Variants in MIAT observed in about 807,000 individuals in gnomAD.
MIAT encodes the protein myocardial infarction associated transcript.
At chr22:26,670,598 T>G (rs1224608109), downstream of MIAT, 5 of 332,404 alleles carry the variant, frequency 1.5e-5, no homozygotes, top group Non-Finnish European at 2.5e-5. Context: ...ATGTCATTGC[T>G]CCTTAAAAAA....
At chr22:26,671,120 C>T (rs947817186), downstream of MIAT, 1 of 398,510 alleles carries the variant, frequency 2.5e-6, no homozygotes, top group Admixed American at 4.4e-5. Context: ...CAGGATCCAG[C>T]CCTCTGGGAA....
intron 2 of MIAT, chr22:26,650,445 C>T (rs1354807421): frequency 6.6e-6 from 1 of 152,246 alleles, no homozygotes; most frequent in African/African-American, 2.4e-5. Flanking sequence ...TCTCCTCTTC[C>T]CTGTCTCCCT....
At chr22:26,659,493 A>G (rs1234812412) in intron 2 of MIAT, among the ~76,000 whole-genome samples, 1 of 152,032 alleles carries the variant, frequency 6.6e-6, no homozygotes, top group East Asian at 1.9e-4. Flanking sequence ...AAACAACCAT[A>G]ACCCCTTACC....
intron 2 of MIAT, chr22:26,657,097 G>T (rs980703803): frequency 1.2e-5 from 2 of 170,316 alleles, no homozygotes; most frequent in African/African-American, 4.7e-5. Context: ...GCCAGAACAA[G>T]CGTCTTCTGT....
At chr22:26,670,110 G>C (rs1172801876), downstream of MIAT, 2 of 392,336 alleles carry the variant, frequency 5.1e-6, no homozygotes, top group Admixed American at 9.2e-5. Flanking sequence ...TTCTGAACCA[G>C]AGGCATTTCT....
intron 1 of MIAT, chr22:26,647,098 G>A (rs945152125): frequency 3.0e-5 from 12 of 398,082 alleles, no homozygotes; most frequent in African/African-American, 1.2e-4. Flanking sequence ...GGATGACACC[G>A]TCAGCATGGC....
chr22:26,667,251 T>C (rs2146014600), exon 5 of MIAT: 1 of 398,648 alleles, frequency 2.5e-6, no homozygotes, highest in Non-Finnish European at 4.4e-6. Flanking sequence ...CCCAGAGACA[T>C]GATCCCATCT....
At chr22:26,661,887 A>AATCCATATATATATTGATCTATATAG (rs1930673983) in intron 2 of MIAT, among the ~76,000 whole-genome samples, 1 of 118,170 alleles carries the variant, frequency 8.5e-6, no homozygotes, top group African/African-American at 2.8e-5. Flanking sequence ...TTTATCATTT[A>AATCCATATATATATTGATCTATATAG]ATCCATATAT....
chr22:26,659,210 A>T (rs1930567985), intron 2 of MIAT, among the ~76,000 whole-genome samples: 2 of 152,100 alleles, frequency 1.3e-5, no homozygotes, highest in Admixed American at 1.3e-4. Context: ...TCGCCCCTCA[A>T]CTTTCTAGGC....
At chr22:26,667,618 C>A in intron 5 of MIAT, 1 of 227,614 alleles carries the variant, frequency 4.4e-6, no homozygotes, top group South Asian at 2.8e-4. Flanking sequence ...CTCTGGTCCC[C>A]TGAGCTAACC....
At chr22:26,667,403 T>C in intron 5 of MIAT, 1 of 371,022 alleles carries the variant, frequency 2.7e-6, no homozygotes, top group African/African-American at 2.2e-5. Context: ...TGCGTGCATG[T>C]GTGTGCGCGT....
chr22:26,667,349 T>TGC (rs1555949604), intron 5 of MIAT: 27 of 387,368 alleles, frequency 7.0e-5, no homozygotes, highest in Non-Finnish European at 1.0e-4. Context: ...TGTGTGTGTG[T>TGC]GTGTGCGTGT....
downstream of MIAT, chr22:26,673,100 C>T (rs1260028087): frequency 2.5e-6 from 1 of 398,558 alleles, no homozygotes; most frequent in African/African-American, 2.1e-5. Context: ...GGGGAAGCAG[C>T]TTTACCCCGG....
intron 2 of MIAT, among the ~76,000 whole-genome samples, chr22:26,647,501 C>G (rs1197502470): frequency 6.6e-6 from 1 of 151,852 alleles, no homozygotes; most frequent in African/African-American, 2.4e-5. Context: ...GGGCCCCAGT[C>G]AATCCAGGGA....
chr22:26,672,786 G>A (rs920186229), downstream of MIAT: 1 of 398,718 alleles, frequency 2.5e-6, no homozygotes, highest in Admixed American at 4.4e-5. Flanking sequence ...TCAATGAAGC[G>A]GGTCTTTCCT....
intron 2 of MIAT, among the ~76,000 whole-genome samples, chr22:26,649,952 C>T (rs1435047104): frequency 1.3e-5 from 2 of 152,306 alleles, no homozygotes; most frequent in African/African-American, 2.4e-5. Context: ...ACATCCTCGA[C>T]CTGGGGTAGG....
exon 5 of MIAT, chr22:26,675,397 AT>A: frequency 2.5e-6 from 1 of 398,676 alleles, no homozygotes; most frequent in Non-Finnish European, 4.4e-6. Context: ...AGCGACGGAT[AT>A]GATCTGAGAA....
chr22:26,666,857 C>T (rs918979960), exon 4 of MIAT: 25 of 399,072 alleles, frequency 6.3e-5, no homozygotes, highest in Admixed American at 6.2e-4. Flanking sequence ...TTTTGTCTTC[C>T]AGGATGGGCC....
chr22:26,669,974 G>A, downstream of MIAT: 1 of 398,608 alleles, frequency 2.5e-6, no homozygotes, highest in Non-Finnish European at 4.4e-6. Context: ...GTGAGATTGT[G>A]TGCCTAGCAC....
Sources: allele counts gnomAD v4.1 joint callset (sites outside exome capture counted in the v4.1 genomes callset), GRCh38; gene constraint gnomAD v4.1.1; transcripts MANE v1.5; gene names NCBI Gene and HGNC (gene_info 2026-07-23, HGNC 2026-07-21).